Variants in RPTOR observed in about 807,000 individuals in gnomAD.
RPTOR encodes the protein regulatory-associated protein of mTOR.
A neutral mutation model predicts 169.9 loss-of-function variants in RPTOR; 21 were observed. The ratio of observed to expected loss-of-function variants is 0.12; its 90% CI spans 0.09 to 0.18. The LOEUF (loss-of-function observed/expected upper bound fraction) is 0.18, where lower values mean the gene tolerates loss of function less well. RPTOR is among the 10% of genes least tolerant of loss of function. RPTOR has a pLI of 1.00. For synonymous variants in RPTOR, 732 were observed against 753.2 expected, an observed-to-expected ratio of 0.97 and a Z score of 0.46; for missense variants, 1,133 against 1,855.9, an observed-to-expected ratio of 0.61 and a Z score of 7.16.
chr17:80,556,469 G>A (rs890474101), intron 1 of RPTOR, among the ~76,000 whole-genome samples: 1 of 152,096 alleles, frequency 6.6e-6, no homozygotes, highest in Non-Finnish European at 1.5e-5. Context: ...AGCTATGATT[G>A]TGCTGGTGCA....
chr17:80,923,002 C>T (rs757668268), intron 22 of RPTOR, among the ~76,000 whole-genome samples, 175 bp downstream of exon 22: 7 of 152,204 alleles, frequency 4.6e-5, no homozygotes, highest in Non-Finnish European at 7.3e-5. Context: ...CCCCGGTACC[C>T]GCCTGATCTG....
At chr17:80,907,790 C>T (rs1228538948) in intron 20 of RPTOR, among the ~76,000 whole-genome samples, 1 of 152,216 alleles carries the variant, frequency 6.6e-6, no homozygotes, top group Admixed American at 6.5e-5. Context: ...GTGCTACCCC[C>T]TCTCGCTCCA....
chr17:80,813,410 G>A (rs2067292445), intron 7 of RPTOR, among the ~76,000 whole-genome samples: 1 of 152,194 alleles, frequency 6.6e-6, no homozygotes, highest in Admixed American at 6.5e-5. Context: ...CCAAAGAGTT[G>A]TATTTTTACA....
rs2143335120 is a variant in RPTOR, at chr17:80,754,103, G to A, written c.748G>A (p.Glu250Lys). Residue 250 changes from glutamate to lysine, a missense_variant, in exon 6 of 34, where the codon GAG (glutamate) becomes AAG (lysine). Physicochemically the swap from Glu to Lys is moderately conservative, Grantham distance 56. This residue lies in a region of RPTOR where 289 missense variants were observed against 585.8 expected (regional missense o/e 0.49). Coordinates refer to ENST00000306801, the MANE Select transcript of RPTOR (RefSeq NM_020761.3). This position sits in a 1 kb window ranked among gnomAD's most constrained non-coding sequence, Gnocchi z 4.2. The stretch of plus-strand genomic sequence containing the variant: ...CCAGCTGGCAGCCTGCGAGGCCACC[G>A]AGCTGCTGCCCATGATCCCCGACCT... ...CIQLAACEAT[E>K]LLPMIPDLPA... is the part of the protein sequence containing the mutation. 1 of 1,613,934 alleles carries A rather than the reference G, an allele frequency of 6.2e-7. No homozygotes were observed. The highest frequency in any genetic ancestry group is 1.3e-5 in the African/African-American group (1 of 75,032).
chr17:80,725,686 G>T (rs541506742), intron 4 of RPTOR, among the ~76,000 whole-genome samples: 13 of 152,304 alleles, frequency 8.5e-5, no homozygotes, highest in African/African-American at 3.1e-4. Flanking sequence ...CATAATTCTG[G>T]CCTGGAGCTT....
At chr17:80,946,108 C>G (rs1481510621) in intron 26 of RPTOR, among the ~76,000 whole-genome samples, 1 of 152,072 alleles carries the variant, frequency 6.6e-6, no homozygotes, top group Non-Finnish European at 1.5e-5. Flanking sequence ...CTGCCCTGCC[C>G]GCAGAAGCAA....
At chr17:80,627,874 G>A (rs1000604609) in intron 2 of RPTOR, among the ~76,000 whole-genome samples, 1 of 134,034 alleles carries the variant, frequency 7.5e-6, no homozygotes, top group Non-Finnish European at 1.6e-5. Context: ...TTTTGCTCTT[G>A]TTGCCCAGGC....
chr17:80,616,324 C>T lies in RPTOR; in HGVS notation c.163-9367C>T, dbSNP rs1424682537. Among the ~76,000 whole-genome samples, 23 of 69,484 alleles carry T rather than the reference C, an allele frequency of 3.3e-4. No homozygotes were observed. The South Asian group carries it at 5.5e-3, about 17-fold the overall frequency. The allele number at this position is 69,484 out of a possible 152,430, so 45.6% of individuals were successfully genotyped here. A position where few individuals can be genotyped will look rare whatever the true frequency, so the allele number is the denominator to read the frequency against. On this transcript the variant is annotated intron_variant, in intron 1 of 33. Coordinates refer to ENST00000306801, the MANE Select transcript of RPTOR (RefSeq NM_020761.3). The stretch of plus-strand genomic sequence containing the variant: ...TTTTTTTTTTTTTTTTTTTTTGAGA[C>T]GGAGTCTCACTCTGTTGCCCAGGCT...
chr17:80,770,044 C>T (rs1400207797), intron 6 of RPTOR, among the ~76,000 whole-genome samples: 7 of 152,212 alleles, frequency 4.6e-5, no homozygotes, highest in East Asian at 1.9e-4. Flanking sequence ...TTATTTCTCC[C>T]GGTTCTGGAG....
At chr17:80,694,716 C>T (rs1179471497) in intron 3 of RPTOR, among the ~76,000 whole-genome samples, 1 of 152,178 alleles carries the variant, frequency 6.6e-6, no homozygotes, top group Non-Finnish European at 1.5e-5. Flanking sequence ...TGGTATTGGT[C>T]GGAGTTGCTG....
chr17:80,755,889 C>G (rs2066676387), intron 6 of RPTOR, among the ~76,000 whole-genome samples: 2 of 152,188 alleles, frequency 1.3e-5, no homozygotes. Flanking sequence ...GGCCACTGTC[C>G]TCTGCACCCA....
At chr17:80,825,363 G>A (rs948133453) in intron 9 of RPTOR, among the ~76,000 whole-genome samples, 3 of 152,082 alleles carry the variant, frequency 2.0e-5, no homozygotes, top group Non-Finnish European at 4.4e-5. Flanking sequence ...GCGTGGCGAG[G>A]TTGGCACAGG....
chr17:80,744,096 GTTA>G (rs2143278721), intron 5 of RPTOR, among the ~76,000 whole-genome samples: 1 of 113,676 alleles, frequency 8.8e-6, no homozygotes, highest in African/African-American at 3.3e-5. Flanking sequence ...CACAGCCCTG[GTTA>G]CTAGCACAGC....
Position 80,823,416 on chromosome 17 carries a change from G to T in RPTOR, c.1136+193G>T. 1.5e-6 allele frequency: 1 copy of T among 685,680 alleles called. No individual in the cohort carries two copies. The highest frequency in any genetic ancestry group is 2.9e-5 in the East Asian group (1 of 34,108). 42.5% of individuals were successfully genotyped at this position (685,680 alleles called of 1,614,324 possible). A position where few individuals can be genotyped will look rare whatever the true frequency, so the allele number is the denominator to read the frequency against. Reference sequence around the variant, plus strand: ...GAGGAGTGGGGGTCTCCTTCAGAGGGCAGAAGCCTTGGAGGGCCTTTTAGG... The same window carrying T: ...GAGGAGTGGGGGTCTCCTTCAGAGGTCAGAAGCCTTGGAGGGCCTTTTAGG... On this transcript the variant is annotated intron_variant, in intron 9 of 33. Coordinates refer to ENST00000306801, the MANE Select transcript of RPTOR (RefSeq NM_020761.3). The surrounding 1 kb of genome is among the most constrained non-coding windows in gnomAD (Gnocchi z 4.5).
chr17:80,661,424 C>T (rs1463677648), intron 3 of RPTOR, among the ~76,000 whole-genome samples: 1 of 152,136 alleles, frequency 6.6e-6, no homozygotes, highest in Non-Finnish European at 1.5e-5. Context: ...GCGCGGGAGC[C>T]CCAGGACTCA....
chr17:80,872,985 C>T (rs2068068010), intron 13 of RPTOR, among the ~76,000 whole-genome samples: 2 of 152,230 alleles, frequency 1.3e-5, no homozygotes, highest in South Asian at 4.1e-4. Context: ...GGCCCCCCAC[C>T]ACTGAGGAGG....
At chr17:80,868,333 T>C (rs1198844916) in intron 13 of RPTOR, among the ~76,000 whole-genome samples, 1 of 152,138 alleles carries the variant, frequency 6.6e-6, no homozygotes, top group Non-Finnish European at 1.5e-5. Flanking sequence ...GAAACAATGC[T>C]GAATATCATT....
intron 7 of RPTOR, among the ~76,000 whole-genome samples, chr17:80,811,606 C>T (rs555185252): frequency 6.6e-6 from 1 of 151,546 alleles, no homozygotes; most frequent in South Asian, 2.1e-4. Context: ...AGGCCTAAAC[C>T]TCACTGTACC....
intron 4 of RPTOR, among the ~76,000 whole-genome samples, chr17:80,727,163 T>G (rs2066344187): frequency 6.7e-6 from 1 of 149,692 alleles, no homozygotes; most frequent in Non-Finnish European, 1.5e-5. Flanking sequence ...TCCGAGAACG[T>G]GAACTCTGCA....
Sources: allele counts gnomAD v4.1 joint callset (sites outside exome capture counted in the v4.1 genomes callset), GRCh38; gene constraint gnomAD v4.1.1; regional missense constraint gnomAD v4.1.1; non-coding constraint Gnocchi (gnomAD v3.1); transcripts MANE v1.5; gene names NCBI Gene and HGNC (gene_info 2026-07-23, HGNC 2026-07-21).